TMEM233: variants seen among roughly 807,000 people sequenced by gnomAD.
TMEM233 encodes the protein dispanin subfamily B member 2.
TMEM233 carries 6 observed loss-of-function variants against 11.2 expected under a neutral mutation model. That is an observed-to-expected ratio of 0.54 (90% CI 0.29 to 1.06). TMEM233 has a LOEUF of 1.06. Among genes scored for constraint, TMEM233 ranks in the 50% least tolerant of loss-of-function variants. The pLI, the probability that TMEM233 is intolerant of heterozygous loss-of-function variation, is 0.08. For missense variants in TMEM233, 127 were observed against 144.7 expected (o/e 0.88, Z 0.63); for synonymous variants, 59 against 55.8 (o/e 1.06, Z -0.26).
At chr12:119,623,402 G>A (rs573642561) in intron 1 of TMEM233, among the ~76,000 whole-genome samples, 79 of 152,186 alleles carry the variant, frequency 5.2e-4, no homozygotes, top group African/African-American at 1.9e-3. Flanking sequence ...TCAGAATTTA[G>A]GGTTCTAATA....
chr12:119,604,989 CCTCA>C (rs1459899398), intron 1 of TMEM233, among the ~76,000 whole-genome samples: 3 of 127,072 alleles, frequency 2.4e-5, no homozygotes. Context: ...TTCCTTCTTC[CCTCA>C]CTATCTTTTT....
intron 1 of TMEM233, among the ~76,000 whole-genome samples, chr12:119,609,587 G>A (rs1428423989): frequency 6.6e-6 from 1 of 152,238 alleles, no homozygotes; most frequent in East Asian, 1.9e-4. Flanking sequence ...TGCAGCCTCA[G>A]ACGTGATGCC....
chr12:119,608,095 C>G (rs1247674505), intron 1 of TMEM233, among the ~76,000 whole-genome samples: 1 of 152,146 alleles, frequency 6.6e-6, no homozygotes, highest in East Asian at 1.9e-4. Flanking sequence ...AGAGTTAACA[C>G]AAGTTTTGCT....
chr12:119,631,946 G>A (rs914111229), intron 2 of TMEM233, among the ~76,000 whole-genome samples: 3 of 152,178 alleles, frequency 2.0e-5, no homozygotes, highest in Non-Finnish European at 4.4e-5. Context: ...TATTATCAAT[G>A]TTACTGGGAA....
chr12:119,618,495 G>C (rs1482249153), intron 1 of TMEM233, among the ~76,000 whole-genome samples: 5 of 152,208 alleles, frequency 3.3e-5, no homozygotes, highest in Non-Finnish European at 7.3e-5. Flanking sequence ...AAAGCAGCTA[G>C]GGAAGGGGGC....
chr12:119,624,753 G>C (rs1032511123), intron 1 of TMEM233, among the ~76,000 whole-genome samples: 6 of 152,170 alleles, frequency 3.9e-5, no homozygotes, highest in African/African-American at 1.4e-4. Context: ...TCCAGAGATA[G>C]ATGGTGGGTC....
chr12:119,615,132 T>C (rs1397695989), intron 1 of TMEM233, among the ~76,000 whole-genome samples: 2 of 129,688 alleles, frequency 1.5e-5, no homozygotes, highest in Non-Finnish European at 3.1e-5. Context: ...CAGGCCTGGC[T>C]TCTTCTCAAA....
intron 1 of TMEM233, among the ~76,000 whole-genome samples, chr12:119,605,844 G>A (rs76548188): frequency 0.043 from 6,495 of 152,170 alleles, 179 homozygotes; most frequent in Middle Eastern, 0.082. Context: ...AAGCCTGGCA[G>A]AATTCCTCCC....
the TMEM233 span, among the ~76,000 whole-genome samples, chr12:119,653,702 G>A: frequency 0.85 from 128,482 of 151,850 alleles, 54,598 homozygotes; most frequent in African/African-American, 0.89. Flanking sequence ...ATGGGATTAA[G>A]CATACAGAAG....
intron 1 of TMEM233, 25 bp from the exon 2 acceptor site, chr12:119,629,711 C>T: frequency 6.5e-7 from 1 of 1,542,682 alleles, no homozygotes; most frequent in Non-Finnish European, 8.7e-7. Flanking sequence ...TCTGTCATCA[C>T]CAGCTCTTCC....
intron 1 of TMEM233, among the ~76,000 whole-genome samples, chr12:119,607,661 T>C (rs962121403): frequency 6.6e-5 from 10 of 151,774 alleles, no homozygotes; most frequent in Admixed American, 6.6e-5. Context: ...CAGGCTCAAG[T>C]GCAGTGGTGC....
chr12:119,617,859 C>A (rs1013710844), intron 1 of TMEM233, among the ~76,000 whole-genome samples: 1 of 152,144 alleles, frequency 6.6e-6, no homozygotes, highest in Non-Finnish European at 1.5e-5. Context: ...AAGAAAGAAA[C>A]CCCATTTTCT....
intron 1 of TMEM233, among the ~76,000 whole-genome samples, chr12:119,616,710 G>A (rs1037049978): frequency 8.5e-5 from 13 of 152,294 alleles, no homozygotes; most frequent in African/African-American, 3.1e-4. Flanking sequence ...ATCTTGAATT[G>A]TAGCTCCCAT....
intron 1 of TMEM233, among the ~76,000 whole-genome samples, chr12:119,606,617 C>T (rs1026432271): frequency 7.3e-5 from 11 of 151,700 alleles, no homozygotes; most frequent in Admixed American, 4.6e-4. Flanking sequence ...GTAAAGTTCC[C>T]GAAAAAATTT....
At chr12:119,637,510 G>A (rs948588711) in intron 2 of TMEM233, among the ~76,000 whole-genome samples, 1 of 152,210 alleles carries the variant, frequency 6.6e-6, no homozygotes, top group African/African-American at 2.4e-5. Flanking sequence ...GAATTGGAAG[G>A]AGACATACAT....
chr12:119,648,506 C>T, the TMEM233 span, among the ~76,000 whole-genome samples: 2 of 152,342 alleles, frequency 1.3e-5, no homozygotes, highest in East Asian at 3.9e-4. Context: ...CTCTGATATG[C>T]CAACGTTTCA....
At chr12:119,650,120 T>C in the TMEM233 span, among the ~76,000 whole-genome samples, 1 of 140,662 alleles carries the variant, frequency 7.1e-6, no homozygotes, top group Non-Finnish European at 1.5e-5. Context: ...ATGGCGCCAC[T>C]GCACTCCAGC....
chr12:119,640,605 C>T (rs1955066391), intron 2 of TMEM233, 94 bp from the exon 3 acceptor site: 1 of 1,382,242 alleles, frequency 7.2e-7, no homozygotes, highest in Admixed American at 2.0e-5. Context: ...CCAGAGTCAT[C>T]ATCATCAAAT....
intron 1 of TMEM233, among the ~76,000 whole-genome samples, chr12:119,628,457 G>A (rs574282456): frequency 3.4e-5 from 5 of 145,424 alleles, no homozygotes; most frequent in South Asian, 2.2e-4. Flanking sequence ...CAGCACGCCC[G>A]GCCTAAAGCT....
Sources: allele counts gnomAD v4.1 joint callset (sites outside exome capture counted in the v4.1 genomes callset), GRCh38; gene constraint gnomAD v4.1.1; transcripts MANE v1.5; gene names NCBI Gene and HGNC (gene_info 2026-07-23, HGNC 2026-07-21).